The following DNASE1 variants were observed in gnomAD, a reference collection of about 807,000 sequenced individuals.
DNASE1 encodes deoxyribonuclease-1.
A neutral mutation model predicts 33.9 loss-of-function variants in DNASE1; 40 were observed. The ratio of observed to expected loss-of-function variants is 1.18; its 90% CI spans 0.92 to 1.54. The LOEUF is 1.54. Ranked by LOEUF, DNASE1 falls within the 40% of genes most tolerant of loss-of-function variation. The probability of loss-of-function intolerance (pLI) is 0.00; values close to 1 mark genes in which losing one functional copy is unlikely to be tolerated. For missense variants in DNASE1, 518 were observed against 372.6 expected, an observed-to-expected ratio of 1.39 and a Z score of -3.21; for synonymous variants, 216 against 160.0, an observed-to-expected ratio of 1.35 and a Z score of -2.64.
chr16:3,645,356 C>G (rs971777208), intron 1 of DNASE1, among the ~76,000 whole-genome samples: 2 of 152,160 alleles, frequency 1.3e-5, no homozygotes, highest in Non-Finnish European at 2.9e-5. Flanking sequence ...TCATTGCGAC[C>G]CTTGTTGGAA....
intron 1 of DNASE1, among the ~76,000 whole-genome samples, chr16:3,612,727 G>A (rs942101156): frequency 5.9e-5 from 9 of 152,010 alleles, no homozygotes; most frequent in Non-Finnish European, 1.2e-4. Flanking sequence ...TGTTTTTAAA[G>A]GCCTAATTAC....
chr16:3,620,861 C>T lies in DNASE1; in HGVS notation c.-1359+8855C>T, dbSNP rs548628780. ...TGTCACCCAGGCTGGAGTGCAGTGG[C>T]GCAATGCCGGCTCACTGCAACCTCC... On this transcript the variant is annotated intron_variant and NMD_transcript_variant, in intron 1 of 11. Coordinates refer to the DNASE1 transcript ENST00000570769. Among the ~76,000 whole-genome samples the T allele has an allele frequency of 1.3e-3, 196 of 151,986 alleles. 1 individual carries two copies. Among genetic ancestry groups the T allele is most frequent in the African/African-American group, 4.5e-3 (186 of 41,460 alleles).
intron 1 of DNASE1, among the ~76,000 whole-genome samples, chr16:3,632,877 T>G (rs1208990652): frequency 2.6e-5 from 4 of 152,210 alleles, no homozygotes; most frequent in Admixed American, 6.5e-5. Flanking sequence ...TGAGCAACTG[T>G]GCCCAGCCTC....
intron 1 of DNASE1, among the ~76,000 whole-genome samples, chr16:3,630,631 T>C (rs558781750): frequency 5.3e-4 from 80 of 152,302 alleles, no homozygotes; most frequent in Middle Eastern, 6.8e-3. Context: ...GTCTCTTTTG[T>C]CTTATAGTAA....
chr16:3,627,107 C>G (rs755780469), intron 1 of DNASE1, among the ~76,000 whole-genome samples: 15 of 151,910 alleles, frequency 9.9e-5, no homozygotes, highest in Non-Finnish European at 1.8e-4. Flanking sequence ...AACTCCTAGC[C>G]TCAAGTGATC....
At chr16:3,663,932 G>C (rs1177586813) in exon 10 of DNASE1, 1 of 355,114 alleles carries the variant, frequency 2.8e-6, no homozygotes, top group Non-Finnish European at 5.2e-6. Context: ...GTGTGGTGGT[G>C]TGCACCTGTA....
At chr16:3,655,632 C>A (rs758112533) in intron 2 of DNASE1, 112 bp downstream of exon 2, 441 of 1,527,582 alleles carry the variant, frequency 2.9e-4, no homozygotes, top group Non-Finnish European at 3.8e-4. Context: ...TACTGAGCAC[C>A]ACTGCTCCCA....
In DNASE1 at chr16:3,655,991, CTCACT is replaced by C. The variant is rs765631520; in HGVS notation, c.236+61_236+65del. 19 of 1,612,520 alleles carry C rather than the reference CTCACT, an allele frequency of 1.2e-5. No individual in the cohort carries two copies. The African/African-American group carries it at 2.4e-4, about 20-fold the overall frequency. ...GGTGACATCTCGTCCACGGCACAGC[CTCACT>C]TCACTTGGGCCCCAAGGGTGGGGAC... On this transcript the variant is annotated intron_variant, in intron 3 of 8. Transcript: ENST00000246949.
chr16:3,652,068 G>T (rs1283419859), upstream of DNASE1: 1 of 152,384 alleles, frequency 6.6e-6, no homozygotes, highest in South Asian at 2.1e-4. Flanking sequence ...CCTGAGGGCA[G>T]CCACACAGCA....
chr16:3,652,025 C>T (rs917496798), upstream of DNASE1: 3 of 152,572 alleles, frequency 2.0e-5, no homozygotes, highest in African/African-American at 7.2e-5. Flanking sequence ...GACCAGGCTC[C>T]TCCAGGGCTG....
At chr16:3,623,527 A>G (rs571783833) in intron 1 of DNASE1, among the ~76,000 whole-genome samples, 46 of 152,362 alleles carry the variant, frequency 3.0e-4, no homozygotes, top group Non-Finnish European at 5.3e-4. Context: ...AAGAAATAAC[A>G]GAGTAAATAG....
chr16:3,613,908 ATTTTTTTTTTTTT>A (rs200976238), intron 1 of DNASE1, among the ~76,000 whole-genome samples: 1 of 113,140 alleles, frequency 8.8e-6, no homozygotes, highest in Non-Finnish European at 1.8e-5. Flanking sequence ...CGCCTGGCTA[ATTTTTTTTTTTTT>A]TTTTTTTTTT....
chr16:3,655,723 G>T, intron 2 of DNASE1, 126 bp from the exon 3 acceptor site: 2 of 1,416,578 alleles, frequency 1.4e-6, no homozygotes, highest in Non-Finnish European at 2.0e-6. Context: ...AGGAGCCCAG[G>T]CAGAAACATG....
intron 1 of DNASE1, among the ~76,000 whole-genome samples, chr16:3,628,947 G>T (rs1186326230): frequency 6.7e-6 from 1 of 148,286 alleles, no homozygotes. Flanking sequence ...CGAGGCGGGC[G>T]GATCACTTGA....
At chr16:3,655,168 T>G (rs908346715) in intron 1 of DNASE1, 124 bp downstream of exon 1, 2 of 677,440 alleles carry the variant, frequency 3.0e-6, no homozygotes, top group African/African-American at 3.6e-5. Context: ...GCGGGTTTTC[T>G]GGTGGATGGA....
chr16:3,652,720 C>A (rs894351213), upstream of DNASE1: 1 of 152,392 alleles, frequency 6.6e-6, no homozygotes, highest in African/African-American at 2.4e-5. Flanking sequence ...GGTTTACCTT[C>A]CTGTTTCTAG....
At chr16:3,620,988 C>T (rs1401349396) in intron 1 of DNASE1, among the ~76,000 whole-genome samples, 8 of 151,912 alleles carry the variant, frequency 5.3e-5, no homozygotes, top group Admixed American at 2.0e-4. Context: ...TTAGTAGAGA[C>T]GGGGTTTCAC....
intron 3 of DNASE1, 42 bp from the exon 4 acceptor site, chr16:3,656,060 C>T: frequency 6.2e-7 from 1 of 1,611,762 alleles, no homozygotes; most frequent in South Asian, 1.1e-5. Context: ...GAGGGGTCCC[C>T]TATGGCCCCC....
At chr16:3,662,572 G>T, downstream of DNASE1, 3 of 596,326 alleles carry the variant, frequency 5.0e-6, no homozygotes, top group South Asian at 4.9e-5. Flanking sequence ...TGAGGGCTGG[G>T]GTAGCATGTC....
Sources: gnomAD v4.1 joint callset for allele counts (sites outside exome capture counted in the v4.1 genomes callset) on GRCh38, gnomAD v4.1.1 for gene constraint, MANE v1.5 for transcripts, NCBI Gene and HGNC (gene_info 2026-07-23, HGNC 2026-07-21) for gene names.